Variants in PAK1 observed in about 807,000 individuals in gnomAD.
The protein encoded by PAK1 is p21 (RAC1) activated kinase 1, also known as serine/threonine-protein kinase PAK 1.
In PAK1, 29 loss-of-function variants were observed where a neutral mutation model predicts 67.4. The ratio of observed to expected loss-of-function variants is 0.43; its 90% confidence interval spans 0.32 to 0.59. The LOEUF (loss-of-function observed/expected upper bound fraction) is 0.59. Ranked by LOEUF, PAK1 falls within the 20% of genes least tolerant of loss-of-function variation. PAK1 has a pLI of 0.07. For synonymous variants in PAK1, 223 were observed against 237.4 expected (o/e 0.94, Z 0.56); for missense variants, 337 against 670.7 (o/e 0.50, Z 5.50).
intron 1 of PAK1, among the ~76,000 whole-genome samples, chr11:77,401,910 T>C (rs995616323): frequency 6.6e-6 from 1 of 152,220 alleles, no homozygotes; most frequent in African/African-American, 2.4e-5. Flanking sequence ...AACTGAAGTT[T>C]GTTTAATCTC....
At chr11:77,405,095 A>C (rs528580839) in intron 1 of PAK1, among the ~76,000 whole-genome samples, 1 of 152,370 alleles carries the variant, frequency 6.6e-6, no homozygotes, top group East Asian at 1.9e-4. Context: ...TCATAGTAAT[A>C]TCTGGAAAAG....
At chr11:77,352,054 T>C (rs1314777050) in intron 8 of PAK1, among the ~76,000 whole-genome samples, 2 of 152,158 alleles carry the variant, frequency 1.3e-5, no homozygotes, top group African/African-American at 4.8e-5. Flanking sequence ...TTCTGACTTC[T>C]ATTATCATAC....
intron 1 of PAK1, among the ~76,000 whole-genome samples, chr11:77,414,479 T>C (rs187875321): frequency 1.3e-5 from 2 of 152,382 alleles, no homozygotes; most frequent in Admixed American, 1.3e-4. Flanking sequence ...TACAACTATA[T>C]TGATATCTAT....
chr11:77,421,227 T>C (rs554876196), intron 1 of PAK1, among the ~76,000 whole-genome samples: 63 of 152,302 alleles, frequency 4.1e-4, no homozygotes, highest in African/African-American at 1.5e-3. Context: ...CACCAAGGCT[T>C]TCTCCGACAG....
the PAK1 span, among the ~76,000 whole-genome samples, chr11:77,484,967 G>C: frequency 2.0e-5 from 3 of 152,184 alleles, no homozygotes; most frequent in Admixed American, 6.5e-5. Context: ...CAAAAAAAGA[G>C]AGAGCTTGTA....
intron 1 of PAK1, among the ~76,000 whole-genome samples, chr11:77,416,231 A>C (rs1954944668): frequency 2.0e-5 from 3 of 152,172 alleles, no homozygotes; most frequent in Admixed American, 2.0e-4. Flanking sequence ...CACTTGTCTC[A>C]GCCTCCCAAA....
chr11:77,357,549 C>G (rs1946202858), intron 6 of PAK1, among the ~76,000 whole-genome samples: 1 of 152,154 alleles, frequency 6.6e-6, no homozygotes. Context: ...GTCTCCTTCT[C>G]TGGCTCCTAG....
At chr11:77,455,315 AAC>A (rs1460785279) in intron 1 of PAK1, among the ~76,000 whole-genome samples, 2 of 152,066 alleles carry the variant, frequency 1.3e-5, no homozygotes, top group Admixed American at 6.6e-5. Flanking sequence ...AAAAAAAAAA[AAC>A]ATTACTTCTC....
At chr11:77,461,925 A>G (rs1032516638) in intron 1 of PAK1, among the ~76,000 whole-genome samples, 1 of 152,246 alleles carries the variant, frequency 6.6e-6, no homozygotes, top group Non-Finnish European at 1.5e-5. Context: ...TAGGCCTTCA[A>G]GGGTCTCAGT....
chr11:77,332,362 GGGAAAGGAAGGGAA>G (rs1380529027), intron 14 of PAK1, among the ~76,000 whole-genome samples: 3 of 1,178 alleles, frequency 2.5e-3, no homozygotes, highest in Non-Finnish European at 6.6e-3. Context: ...GGGAAGGGAA[GGGAAAGGAAGGGAA>G]GGGAAGGGAA....
chr11:77,464,051 G>T (rs966996018), intron 1 of PAK1, among the ~76,000 whole-genome samples: 5 of 152,134 alleles, frequency 3.3e-5, no homozygotes, highest in African/African-American at 1.2e-4. Context: ...AAAAGTTAAT[G>T]AGTTATTTTA....
At chr11:77,433,804 C>A (rs1253197054) in intron 1 of PAK1, among the ~76,000 whole-genome samples, 4 of 152,074 alleles carry the variant, frequency 2.6e-5, no homozygotes, top group Non-Finnish European at 5.9e-5. Context: ...AGTAAAAAGA[C>A]AAACCAATTT....
At chr11:77,351,748 TA>T (rs368758694) in intron 8 of PAK1, among the ~76,000 whole-genome samples, 62 of 146,534 alleles carry the variant, frequency 4.2e-4, no homozygotes, top group African/African-American at 6.7e-4. Flanking sequence ...GTGTATAATT[TA>T]AAAAAAAAAA....
intron 1 of PAK1, among the ~76,000 whole-genome samples, chr11:77,434,036 G>A (rs1008133514): frequency 1.3e-5 from 2 of 152,182 alleles, no homozygotes; most frequent in African/African-American, 4.8e-5. Context: ...TACACTGCTG[G>A]TGGAAATGTA....
At chr11:77,491,126 A>T in the PAK1 span, among the ~76,000 whole-genome samples, 35 of 147,034 alleles carry the variant, frequency 2.4e-4, no homozygotes, top group Non-Finnish European at 4.2e-4. Context: ...AATGATCAAT[A>T]AAAAAAAAAA....
chr11:77,421,165 C>T (rs1370469236), intron 1 of PAK1, among the ~76,000 whole-genome samples: 1 of 152,176 alleles, frequency 6.6e-6, no homozygotes, highest in Non-Finnish European at 1.5e-5. Flanking sequence ...CACCCTGCTA[C>T]TTCACTGACC....
chr11:77,425,395 T>C (rs1955497647), intron 1 of PAK1, among the ~76,000 whole-genome samples: 1 of 152,228 alleles, frequency 6.6e-6, no homozygotes, highest in East Asian at 1.9e-4. Context: ...AGGCACCTTC[T>C]GTAAGAATTG....
At chr11:77,506,609 A>C in the PAK1 span, among the ~76,000 whole-genome samples, 3 of 152,206 alleles carry the variant, frequency 2.0e-5, no homozygotes, top group East Asian at 5.8e-4. Context: ...ACAGTAAGCC[A>C]GGTGAGAAGG....
intron 1 of PAK1, among the ~76,000 whole-genome samples, chr11:77,428,826 G>C (rs1326597133): frequency 6.6e-6 from 1 of 151,618 alleles, no homozygotes; most frequent in African/African-American, 2.4e-5. Context: ...TAGTGTGTCA[G>C]AAGCCAACCA....
Sources: allele counts gnomAD v4.1 joint callset (sites outside exome capture counted in the v4.1 genomes callset), GRCh38; gene constraint gnomAD v4.1.1; transcripts MANE v1.5; gene names NCBI Gene and HGNC (gene_info 2026-07-23, HGNC 2026-07-21).